The following RPS6KA5 variants were observed in gnomAD, a reference collection of about 807,000 sequenced individuals.
RPS6KA5 encodes the protein ribosomal protein S6 kinase alpha-5.
In RPS6KA5, 27 loss-of-function variants were observed where a neutral mutation model predicts 85.5. The ratio of observed to expected loss-of-function variants is 0.32; its 90% CI spans 0.23 to 0.44. The LOEUF (loss-of-function observed/expected upper bound fraction) is 0.44, where lower values mean the gene tolerates loss of function less well. Among genes scored for constraint, RPS6KA5 ranks in the 20% least tolerant of loss-of-function variants. The pLI is 1.00. For missense variants in RPS6KA5, 811 were observed against 980.9 expected, an observed-to-expected ratio of 0.83 and a Z score of 2.31; for synonymous variants, 334 against 348.2, an observed-to-expected ratio of 0.96 and a Z score of 0.46.
At chr14:90,873,595 T>A in intron 16 of RPS6KA5, 37 bp downstream of exon 16, 1 of 1,551,752 alleles carries the variant, frequency 6.4e-7, no homozygotes, top group Non-Finnish European at 8.7e-7. Context: ...TGATTCCTAC[T>A]CAAACCGCCC....
In RPS6KA5 at chr14:90,870,156, G is replaced by A. The variant is rs972222653; in HGVS notation, c.*1918C>T. The A allele has an allele frequency of 6.6e-6, 1 of 152,008 alleles. No individual in the cohort carries two copies. The highest frequency in any genetic ancestry group is 2.4e-5 in the African/African-American group (1 of 41,368). The allele number at this position is 152,008 out of a possible 1,614,324, so 9.4% of individuals were successfully genotyped here. A position where few individuals can be genotyped will look rare whatever the true frequency, so the allele number is the denominator to read the frequency against. The stretch of plus-strand genomic sequence containing the variant: ...CTTTATAACTAGTATTTTCTACCAG[G>A]ATGCACAGTTTAAAAAATGGCTTGA... On this transcript the variant is annotated 3_prime_UTR_variant, in exon 17 of 17. Coordinates refer to ENST00000614987, the MANE Select transcript of RPS6KA5 (RefSeq NM_004755.4).
At chr14:90,903,183 G>C (rs950465683) in intron 8 of RPS6KA5, among the ~76,000 whole-genome samples, 1 of 152,050 alleles carries the variant, frequency 6.6e-6, no homozygotes, top group Non-Finnish European at 1.5e-5. Flanking sequence ...TGAGACTATC[G>C]CTGTTGAATC....
Position 90,850,067 on chromosome 14 carries a change from A to G in RPS6KA5, c.*22007T>C, listed in dbSNP as rs1029395334. On this transcript the variant is annotated 3_prime_UTR_variant, in exon 17 of 17. Transcript: ENST00000614987. ...TCTTTGAAGTATGTGCCTTAGAAGG[A>G]AAGTTTCAGGACACTCTGGCACTTT... 6.6e-6 allele frequency: 1 copy of G among 152,252 alleles called. No homozygotes were observed. The highest frequency in any genetic ancestry group is 1.5e-5 in the Non-Finnish European group (1 of 68,052). The allele number at this position is 152,252 out of a possible 1,614,324, so 9.4% of individuals were successfully genotyped here.
In RPS6KA5 at chr14:90,888,161, C is replaced by A. The variant is rs563768837; in HGVS notation, c.1836+2326G>T. On this transcript the variant is annotated intron_variant, in intron 14 of 16. Coordinates refer to ENST00000614987, the MANE Select transcript of RPS6KA5 (RefSeq NM_004755.4). The stretch of plus-strand genomic sequence containing the variant: ...GTGATTATCCTGTGATATCATTTAA[C>A]CTGTTTTTTTGTCCTATTTTTCTTA... Among the ~76,000 whole-genome samples, 6 of 152,092 alleles carry A rather than the reference C, an allele frequency of 3.9e-5. No individual in the cohort carries two copies. The East Asian group carries it at 1.2e-3, about 29-fold the overall frequency.
At chr14:90,906,480 T>A (rs893767551) in intron 7 of RPS6KA5, among the ~76,000 whole-genome samples, 181 bp from the exon 8 acceptor site, 1 of 152,122 alleles carries the variant, frequency 6.6e-6, no homozygotes, top group African/African-American at 2.4e-5. Flanking sequence ...AAAGTCAAAT[T>A]TCTGAAACTC....
chr14:90,885,244 T>C (rs2034114501), intron 14 of RPS6KA5, among the ~76,000 whole-genome samples: 1 of 141,046 alleles, frequency 7.1e-6, no homozygotes, highest in Non-Finnish European at 1.5e-5. Context: ...CAGAGCAGGA[T>C]CTTGTCTCAA....
chr14:90,855,768 C>A lies in RPS6KA5; in HGVS notation c.*16306G>T, dbSNP rs10131959. 0.1 allele frequency: 15,271 copies of A among 152,172 alleles called. 1,827 individuals are homozygous for A. Among genetic ancestry groups the A allele is most frequent in the African/African-American group, 0.3 (12,211 of 41,358 alleles). The allele number at this position is 152,172 out of a possible 1,614,324, so 9.4% of individuals were successfully genotyped here. ...GACTACAGTCATCCGCCACCACGCCCGGCTAATTTTTTGTATTTTTAGTAA... is the reference window on the plus strand; with the variant it reads ...GACTACAGTCATCCGCCACCACGCCAGGCTAATTTTTTGTATTTTTAGTAA... On this transcript the variant is annotated 3_prime_UTR_variant, in exon 17 of 17. Coordinates refer to ENST00000614987, the MANE Select transcript of RPS6KA5 (RefSeq NM_004755.4).
intron 1 of RPS6KA5, among the ~76,000 whole-genome samples, chr14:91,045,711 C>G (rs1252577011): frequency 1.3e-5 from 2 of 152,350 alleles, no homozygotes; most frequent in Non-Finnish European, 2.9e-5. Flanking sequence ...TATACCCACT[C>G]TCCTCACAGA....
At chr14:91,028,684 A>T (rs1242148650) in intron 1 of RPS6KA5, among the ~76,000 whole-genome samples, 1 of 151,630 alleles carries the variant, frequency 6.6e-6, no homozygotes, top group Non-Finnish European at 1.5e-5. Flanking sequence ...GCGCCCTGCT[A>T]ATTTTTTGTA....
chr14:90,904,881 T>C (rs2035417810), intron 8 of RPS6KA5, among the ~76,000 whole-genome samples: 1 of 152,110 alleles, frequency 6.6e-6, no homozygotes, highest in Non-Finnish European at 1.5e-5. Flanking sequence ...TATTCCCAAA[T>C]AGAGGGAGCA....
intron 3 of RPS6KA5, among the ~76,000 whole-genome samples, chr14:90,947,987 C>T (rs748601575): frequency 6.6e-6 from 1 of 152,172 alleles, no homozygotes; most frequent in Non-Finnish European, 1.5e-5. Context: ...AACAGATACC[C>T]TATTTTCCAG....
At chr14:90,985,699 C>T (rs565753849) in intron 2 of RPS6KA5, among the ~76,000 whole-genome samples, 2 of 152,320 alleles carry the variant, frequency 1.3e-5, no homozygotes, top group South Asian at 4.1e-4. Flanking sequence ...CTAAGACCAA[C>T]TTAGTCTTAT....
intron 14 of RPS6KA5, among the ~76,000 whole-genome samples, chr14:90,884,772 T>C (rs2034077988): frequency 6.6e-6 from 1 of 152,232 alleles, no homozygotes; most frequent in African/African-American, 2.4e-5. Flanking sequence ...AATCATGCTG[T>C]TATATATCTT....
In RPS6KA5 at chr14:90,878,129, T is replaced by C. The variant is rs144709587; in HGVS notation, c.1837-2769A>G. 5.1e-3 allele frequency among the ~76,000 whole-genome samples: 772 copies of C among 152,318 alleles called. 26 individuals carry two copies. Among genetic ancestry groups the C allele is most frequent in the Admixed American group, 0.042 (639 of 15,288 alleles). ...GGGTAACTCAATACAACTGTCCACA[T>C]TGCTAAACCATGAGCTCCCTGGAAG... On this transcript the variant is annotated intron_variant, in intron 14 of 16. Transcript: ENST00000614987.
chr14:91,016,978 T>C (rs1161151583), intron 1 of RPS6KA5, among the ~76,000 whole-genome samples: 1 of 152,106 alleles, frequency 6.6e-6, no homozygotes, highest in East Asian at 1.9e-4. Context: ...GATGACCTGT[T>C]CTGTGGATAC....
intron 3 of RPS6KA5, among the ~76,000 whole-genome samples, chr14:90,957,539 T>C (rs1464906839): frequency 6.6e-6 from 1 of 152,240 alleles, no homozygotes; most frequent in Admixed American, 6.5e-5. Flanking sequence ...TCTGTTAGGC[T>C]GTCTGCCTCT....
chr14:91,020,203 G>C (rs76904345), intron 1 of RPS6KA5, among the ~76,000 whole-genome samples: 9 of 152,044 alleles, frequency 5.9e-5, no homozygotes, highest in Admixed American at 6.6e-5. Context: ...GTGTGTGTGT[G>C]TGTGTGCATG....
Position 90,864,492 on chromosome 14 carries a change from T to C in RPS6KA5, c.*7582A>G, listed in dbSNP as rs2032715831. 1 of 152,204 alleles carries C rather than the reference T, an allele frequency of 6.6e-6. No homozygotes were observed. Among genetic ancestry groups the C allele is most frequent in the Non-Finnish European group, 1.5e-5 (1 of 68,036 alleles). The allele number at this position is 152,204 out of a possible 1,614,324, so 9.4% of individuals were successfully genotyped here. ...TATCTTCATAACCTTGGTGTGAACA[T>C]TTATTAAATACGACGCAAAAGTATT... On this transcript the variant is annotated 3_prime_UTR_variant, in exon 17 of 17. Transcript: ENST00000614987.
At chr14:91,044,299 G>C (rs936662616) in intron 1 of RPS6KA5, among the ~76,000 whole-genome samples, 2 of 134,518 alleles carry the variant, frequency 1.5e-5, no homozygotes, top group Non-Finnish European at 3.3e-5. Context: ...GAGAGAAAGA[G>C]AGAGAAAGAG....
Sources: gnomAD v4.1 joint callset for allele counts (sites outside exome capture counted in the v4.1 genomes callset) on GRCh38, gnomAD v4.1.1 for gene constraint, MANE v1.5 for transcripts, NCBI Gene and HGNC (gene_info 2026-07-23, HGNC 2026-07-21) for gene names.